Variants in UVSSA observed in about 807,000 individuals in gnomAD.
The protein encoded by UVSSA is UV stimulated scaffold protein A, also known as UV-stimulated scaffold protein A.
In UVSSA, 72 loss-of-function variants were observed where a neutral mutation model predicts 73.9. The observed-to-expected ratio is 0.97, with a 90% CI of 0.81 to 1.19. UVSSA has a LOEUF of 1.19. Among genes scored for constraint, UVSSA ranks in the 50% most tolerant of loss-of-function variants. The pLI, the probability that UVSSA is intolerant of heterozygous loss-of-function variation, is 0.00. For missense variants in UVSSA, 1,150 were observed against 965.0 expected, an observed-to-expected ratio of 1.19 and a Z score of -2.54; for synonymous variants, 454 against 391.3, an observed-to-expected ratio of 1.16 and a Z score of -1.89.
At chr4:1,382,271 A>G (rs1719596216) in intron 12 of UVSSA, among the ~76,000 whole-genome samples, 1 of 152,218 alleles carries the variant, frequency 6.6e-6, no homozygotes, top group Non-Finnish European at 1.5e-5. Context: ...CCTGAAGAGT[A>G]TCTGGTTTTC....
chr4:1,344,929 C>T (rs761555959), upstream of UVSSA, among the ~76,000 whole-genome samples: 2 of 152,146 alleles, frequency 1.3e-5, no homozygotes, highest in Non-Finnish European at 1.5e-5. Context: ...CAGAGGGATC[C>T]GCTCCCCAGA....
chr4:1,348,554 C>T (rs1714098309), intron 2 of UVSSA, among the ~76,000 whole-genome samples: 1 of 152,198 alleles, frequency 6.6e-6, no homozygotes, highest in African/African-American at 2.4e-5. Flanking sequence ...GCGAGTTGGT[C>T]CATCGCCTTT....
chr4:1,380,847 CCCG>C (rs1719400725), intron 11 of UVSSA, 30 bp from the exon 12 acceptor site: 1 of 1,603,020 alleles, frequency 6.2e-7, no homozygotes, highest in African/African-American at 1.3e-5. Context: ...CGGACCCCTC[CCCG>C]CCATCAGCCA....
At chr4:1,378,013 C>G (rs530044481) in intron 10 of UVSSA, among the ~76,000 whole-genome samples, 16 of 152,350 alleles carry the variant, frequency 1.1e-4, no homozygotes, top group Admixed American at 7.2e-4. Flanking sequence ...TCCTGGCTGG[C>G]CCCTAGCCAG....
At chr4:1,366,959 C>A (rs1053151309) in intron 8 of UVSSA, among the ~76,000 whole-genome samples, 2 of 152,164 alleles carry the variant, frequency 1.3e-5, no homozygotes, top group African/African-American at 4.8e-5. Context: ...GTGTGATTCC[C>A]GCAGCTACAG....
At chr4:1,395,454 G>A (rs754432004) in exon 14 of UVSSA, 3 of 1,553,410 alleles carry the variant, frequency 1.9e-6, no homozygotes, top group East Asian at 2.4e-5. Context: ...CTGCTCACGT[G>A]CCCATATGGA....
chr4:1,371,098 G>A (rs1391099485), intron 8 of UVSSA, among the ~76,000 whole-genome samples: 1 of 152,218 alleles, frequency 6.6e-6, no homozygotes, highest in Non-Finnish European at 1.5e-5. Context: ...TCCTCAGAAA[G>A]CCTGTGGTGA....
Position 1,380,131 on chromosome 4 carries a change from C to T in UVSSA, c.1653C>T (p.Ser551=). 2 of 1,613,228 alleles carry T rather than the reference C, an allele frequency of 1.2e-6. No homozygotes were observed. The highest frequency in any genetic ancestry group is 1.7e-6 in the Non-Finnish European group (2 of 1,180,000). ...VNADISEMLR[S]RHITFAGKFE... ...CCGACATCTCCGAGATGCTCCGGAG[C>T]CGCCACATCACTTTTGCCGGGAAGT... Residue 551 remains serine (S), a synonymous_variant, in exon 11 of 14, where the codon AGC becomes AGT. Coordinates refer to ENST00000389851, the MANE Select transcript of UVSSA (RefSeq NM_020894.4).
At chr4:1,380,581 C>G in intron 11 of UVSSA, 1 of 1,383,906 alleles carries the variant, frequency 7.2e-7, no homozygotes, top group Non-Finnish European at 9.6e-7. Context: ...AGCTCCCAGC[C>G]GGGCAGCTGG....
chr4:1,380,602 G>A (rs921724249), intron 11 of UVSSA: 44 of 1,474,270 alleles, frequency 3.0e-5, no homozygotes, highest in Admixed American at 4.1e-5. Flanking sequence ...GCATGGTGCA[G>A]GGGGGTCGCT....
intron 8 of UVSSA, among the ~76,000 whole-genome samples, chr4:1,369,228 C>G (rs1483082963): frequency 6.6e-6 from 1 of 152,230 alleles, no homozygotes; most frequent in Non-Finnish European, 1.5e-5. Context: ...TGCGAGCATG[C>G]AGCACCAGCT....
chr4:1,367,426 G>A (rs1178373242), intron 8 of UVSSA, among the ~76,000 whole-genome samples: 1 of 152,038 alleles, frequency 6.6e-6, no homozygotes, highest in Non-Finnish European at 1.5e-5. Context: ...TTTGTTAAGA[G>A]AACTTAGATG....
intron 7 of UVSSA, among the ~76,000 whole-genome samples, chr4:1,358,928 G>C (rs982368167): frequency 6.6e-6 from 1 of 152,240 alleles, no homozygotes; most frequent in African/African-American, 2.4e-5. Flanking sequence ...AACGCTGCTA[G>C]CTGCAGGCAG....
chr4:1,395,730 A>G (rs374903316), exon 14 of UVSSA: 3 of 1,614,064 alleles, frequency 1.9e-6, no homozygotes, highest in South Asian at 2.2e-5. Flanking sequence ...GTGGTTCTGT[A>G]GGTTTCCTGT....
Position 1,349,642 on chromosome 4 carries a change from C to T in UVSSA, c.217C>T (p.His73Tyr), listed in dbSNP as rs1469249021. ...TGTGGAGGAACTCTTCGTCAGGTCT[C>T]ACCAGTTCCGGATGCTGGTTGTTTC... is the stretch of plus-strand genomic sequence containing the variant. Reference protein sequence around the residue: ...QIVEELFVRSHQFRMLVVSNF... With the variant: ...QIVEELFVRSYQFRMLVVSNF... The change falls in exon 3 of 14, where the codon CAC (histidine) becomes TAC (tyrosine). Residue 73 changes from histidine (H) to tyrosine (Y), a missense_variant. Coordinates refer to ENST00000389851, the MANE Select transcript of UVSSA (RefSeq NM_020894.4). 1 of 1,614,084 alleles carries T rather than the reference C, an allele frequency of 6.2e-7. No individual in the cohort carries two copies. The highest frequency in any genetic ancestry group is 8.5e-7 in the Non-Finnish European group (1 of 1,180,008).
chr4:1,355,379 A>C (rs1315757602), intron 7 of UVSSA, 134 bp downstream of exon 7: 2 of 854,144 alleles, frequency 2.3e-6, no homozygotes, highest in East Asian at 5.3e-5. Context: ...CAGCCTCAGC[A>C]GGACCTGCCT....
At chr4:1,350,904 T>C (rs151087473) in intron 3 of UVSSA, among the ~76,000 whole-genome samples, 9 of 152,318 alleles carry the variant, frequency 5.9e-5, no homozygotes, top group Non-Finnish European at 8.8e-5. Flanking sequence ...TTTGTTGTTG[T>C]TGTTGATGAT....
At chr4:1,366,504 A>C in intron 8 of UVSSA, 73 bp downstream of exon 8, 1 of 1,170,382 alleles carries the variant, frequency 8.5e-7, no homozygotes, top group Non-Finnish European at 1.2e-6. Context: ...CCTTGGGGTC[A>C]TGACCTCAGG....
At position 1,353,040 on chromosome 4, in the gene UVSSA, A is replaced by G; in HGVS notation, c.561A>G (p.Gly187=). ...TTGATCTTCCGGCAGAAATGTCTGG[A>G]GAAATTGAATCCTGCTTGACGGAGG... The part of the protein sequence containing the change: ...QAEREMQEMS[G]EIESCLTEVE... Residue 187 remains glycine (G), a synonymous_variant, in exon 5 of 14, where the codon GGA becomes GGG. Transcript: ENST00000389851. 2 of 1,609,242 alleles carry G rather than the reference A, an allele frequency of 1.2e-6. No individual in the cohort carries two copies. The highest frequency in any genetic ancestry group is 1.7e-6 in the Non-Finnish European group (2 of 1,177,680).
Sources: allele counts gnomAD v4.1 joint callset (sites outside exome capture counted in the v4.1 genomes callset), GRCh38; gene constraint gnomAD v4.1.1; transcripts MANE v1.5; gene names NCBI Gene and HGNC (gene_info 2026-07-23, HGNC 2026-07-21).